The following CCDC38 variants were observed in gnomAD, a reference collection of about 807,000 sequenced individuals.
CCDC38 encodes the protein coiled-coil domain-containing protein 38.
CCDC38 carries 69 observed loss-of-function variants against 72.8 expected under a neutral mutation model. The ratio of observed to expected loss-of-function variants is 0.95; its 90% CI spans 0.78 to 1.16. The LOEUF (loss-of-function observed/expected upper bound fraction) is 1.16. CCDC38 is among the 50% of genes most tolerant of loss of function. The probability of loss-of-function intolerance (pLI) is 0.00; values close to 1 mark genes in which losing one functional copy is unlikely to be tolerated. For synonymous variants in CCDC38, 201 were observed against 213.2 expected, an observed-to-expected ratio of 0.94 and a Z score of 0.50; for missense variants, 626 against 638.9, an observed-to-expected ratio of 0.98 and a Z score of 0.22.
At chr12:95,914,398 A>G (rs1410178525) in intron 4 of CCDC38, among the ~76,000 whole-genome samples, 1 of 152,218 alleles carries the variant, frequency 6.6e-6, no homozygotes, top group Non-Finnish European at 1.5e-5. Context: ...AAAGAGCCAT[A>G]TAATGTTCCC....
chr12:95,898,563 C>G lies in CCDC38; in HGVS notation c.533+5G>C. 2 of 1,613,940 alleles carry G rather than the reference C, an allele frequency of 1.2e-6. No homozygotes were observed. Among genetic ancestry groups the G allele is most frequent in the Non-Finnish European group, 1.7e-6 (2 of 1,179,920 alleles). ...GAAGGATTTGGCCAGAGTGATGAAACAAACATTTTCAGAGCGTCTACAGAT... is the reference window on the plus strand; with the variant it reads ...GAAGGATTTGGCCAGAGTGATGAAAGAAACATTTTCAGAGCGTCTACAGAT... On this transcript the variant is annotated splice_donor_5th_base_variant and intron_variant, in intron 6 of 15. Transcript: ENST00000344280.
chr12:95,870,759 TA>T (rs1021017613), intron 14 of CCDC38, among the ~76,000 whole-genome samples: 2 of 152,224 alleles, frequency 1.3e-5, no homozygotes, highest in African/African-American at 4.8e-5. Context: ...ATCACCATGA[TA>T]TAGTCTGGAC....
intron 2 of CCDC38, among the ~76,000 whole-genome samples, chr12:95,927,474 G>C (rs1432283491): frequency 1.3e-5 from 2 of 150,548 alleles, no homozygotes; most frequent in African/African-American, 4.9e-5. Context: ...CACACTGATG[G>C]GTCTTGACTC....
chr12:95,888,656 T>A, intron 9 of CCDC38, 150 bp from the exon 10 acceptor site: 1 of 625,560 alleles, frequency 1.6e-6, no homozygotes, highest in Non-Finnish European at 2.8e-6. Context: ...TTTTAAAAAA[T>A]TATTTTATTA....
intron 15 of CCDC38, among the ~76,000 whole-genome samples, chr12:95,867,597 A>G (rs1357535674): frequency 6.6e-6 from 1 of 152,164 alleles, no homozygotes; most frequent in African/African-American, 2.4e-5. Context: ...CCTGACTAGC[A>G]TTTAGAAATC....
chr12:95,871,556 G>A lies in CCDC38; in HGVS notation c.1484+699C>T, dbSNP rs144419149. 5.9e-3 allele frequency among the ~76,000 whole-genome samples: 893 copies of A among 152,200 alleles called. 6 individuals are homozygous for A. Among genetic ancestry groups the A allele is most frequent in the African/African-American group, 0.02 (837 of 41,528 alleles). ...AAGTGAACGCATTCTGAAAGGCCCC[G>A]GTCAGGCCATACCGCCCTCAATGCA... On this transcript the variant is annotated intron_variant, in intron 14 of 15. Transcript: ENST00000344280.
intron 10 of CCDC38, chr12:95,885,881 A>G (rs1047066693): frequency 2.0e-5 from 3 of 152,184 alleles, no homozygotes; most frequent in Admixed American, 6.5e-5. Context: ...CATTAATACT[A>G]TGGTTGTATC....
chr12:95,937,725 A>C (rs1269223728), intron 1 of CCDC38, among the ~76,000 whole-genome samples: 1 of 152,212 alleles, frequency 6.6e-6, no homozygotes, highest in Admixed American at 6.5e-5. Flanking sequence ...GACTTTGGAC[A>C]AGCCTGATTT....
intron 5 of CCDC38, 77 bp from the exon 6 acceptor site, chr12:95,898,808 G>T: frequency 7.4e-7 from 1 of 1,342,306 alleles, no homozygotes; most frequent in Non-Finnish European, 1.0e-6. Flanking sequence ...TACACAGCAA[G>T]TGAACATTTG....
chr12:95,891,553 G>A (rs1003668573), intron 8 of CCDC38, among the ~76,000 whole-genome samples: 3 of 152,028 alleles, frequency 2.0e-5, no homozygotes, highest in African/African-American at 7.2e-5. Flanking sequence ...TCACCATGTT[G>A]CCCAGGCTGG....
chr12:95,922,615 G>T (rs2080221387), intron 2 of CCDC38, among the ~76,000 whole-genome samples: 1 of 152,196 alleles, frequency 6.6e-6, no homozygotes, highest in African/African-American at 2.4e-5. Flanking sequence ...CCTGCTAGGT[G>T]GACGTCATAT....
In CCDC38 at chr12:95,916,917, C is replaced by T. The variant is rs79328654; in HGVS notation, c.304+212G>A. On this transcript the variant is annotated intron_variant, in intron 4 of 15. Transcript: ENST00000344280. ...GGCAGTAACTGTCCTCCTGGGAGGA[C>T]GGTTATGAAAATGAGTAACAGTCAT... Among the ~76,000 whole-genome samples the T allele has an allele frequency of 3.9e-5, 6 of 152,064 alleles. No individual in the cohort carries two copies. The East Asian group carries it at 5.8e-4, about 15-fold the overall frequency.
chr12:95,895,352 T>C lies in CCDC38; in HGVS notation c.615-206A>G, dbSNP rs573258430. 2.4e-4 allele frequency among the ~76,000 whole-genome samples: 37 copies of C among 152,316 alleles called. 1 individual carries two copies. The highest frequency in any genetic ancestry group is 1.2e-3 in the East Asian group (6 of 5,188). On this transcript the variant is annotated intron_variant, in intron 7 of 15. Coordinates refer to ENST00000344280, the MANE Select transcript of CCDC38 (RefSeq NM_182496.3). ...CTAGGAATGCTGTTTAAATAAAACA[T>C]GTCCAAGGATATGCACACATAGAAT...
intron 2 of CCDC38, chr12:95,919,717 A>G (rs2080183722): frequency 4.6e-6 from 2 of 430,768 alleles, no homozygotes; most frequent in South Asian, 3.4e-5. Flanking sequence ...TCACCATTAT[A>G]CATATACCAC....
chr12:95,879,663 T>G lies in CCDC38; in HGVS notation c.1123A>C (p.Lys375Gln). 1 of 1,593,896 alleles carries G rather than the reference T, an allele frequency of 6.3e-7. No homozygotes were observed. Among genetic ancestry groups the G allele is most frequent in the Non-Finnish European group, 8.6e-7 (1 of 1,164,494 alleles). ...ENLEEVNKRE[K>Q]VIQDKTNSNI... Reference sequence around the variant, plus strand: ...ACTTACGTTTTATCCTGTATAACTTTTTCTCTTTTGTTTACCTCTTCAAGA... The same window carrying G: ...ACTTACGTTTTATCCTGTATAACTTGTTCTCTTTTGTTTACCTCTTCAAGA... Residue 375 changes from lysine (K) to glutamine (Q), a missense_variant, in exon 12 of 16, where the codon AAA becomes CAA. Lys to Gln is a moderately conservative substitution (Grantham distance 53). Transcript: ENST00000344280. The surrounding 1 kb of genome is among the most constrained non-coding windows in gnomAD (Gnocchi z 5.5).
intron 4 of CCDC38, among the ~76,000 whole-genome samples, chr12:95,910,099 G>A (rs1398964909): frequency 6.6e-6 from 1 of 152,188 alleles, no homozygotes; most frequent in Non-Finnish European, 1.5e-5. Context: ...TAGGAAAAGA[G>A]GAAGTCAAAT....
intron 5 of CCDC38, among the ~76,000 whole-genome samples, chr12:95,901,389 G>T (rs777090421): frequency 2.6e-5 from 4 of 152,154 alleles, no homozygotes; most frequent in Non-Finnish European, 5.9e-5. Flanking sequence ...TGAACATCTC[G>T]ATGGGAAATG....
At chr12:95,870,691 A>T (rs1228285407) in intron 14 of CCDC38, among the ~76,000 whole-genome samples, 1 of 152,176 alleles carries the variant, frequency 6.6e-6, no homozygotes, top group Non-Finnish European at 1.5e-5. Context: ...GGAAGGAGTA[A>T]CTTTTCATTT....
intron 2 of CCDC38, among the ~76,000 whole-genome samples, chr12:95,923,699 CA>C: frequency 6.6e-6 from 1 of 152,234 alleles, no homozygotes; most frequent in East Asian, 1.9e-4. Flanking sequence ...CCACTCCCCC[CA>C]CTCCACAACA....
Sources: gnomAD v4.1 joint callset for allele counts (sites outside exome capture counted in the v4.1 genomes callset) on GRCh38, gnomAD v4.1.1 for gene constraint, Gnocchi (gnomAD v3.1) non-coding constraint, MANE v1.5 for transcripts, NCBI Gene and HGNC (gene_info 2026-07-23, HGNC 2026-07-21) for gene names.